The following HMCN1 variants were observed in gnomAD, a reference collection of about 807,000 sequenced individuals.
HMCN1 encodes hemicentin 1.
A neutral mutation model predicts 625.9 loss-of-function variants in HMCN1; 321 were observed. The ratio of observed to expected loss-of-function variants is 0.51; its 90% CI spans 0.47 to 0.56. HMCN1 has a LOEUF of 0.56. Ranked by LOEUF, HMCN1 falls within the 20% of genes least tolerant of loss-of-function variation. The probability of loss-of-function intolerance (pLI) is 0.00; values close to 1 mark genes in which losing one functional copy is unlikely to be tolerated. For synonymous variants in HMCN1, 2,425 were observed against 2,417.6 expected, an observed-to-expected ratio of 1.00 and a Z score of -0.09; for missense variants, 6,588 against 6,887.3, an observed-to-expected ratio of 0.96 and a Z score of 1.54.
At chr1:186,146,069 A>G in intron 93 of HMCN1, 146 bp downstream of exon 93, 1 of 828,542 alleles carries the variant, frequency 1.2e-6, no homozygotes, top group Non-Finnish European at 2.0e-6. Flanking sequence ...TAATTGGTAC[A>G]GTTCTGTATC....
chr1:186,137,033 C>T (rs917855358), intron 87 of HMCN1, 96 bp downstream of exon 87: 1 of 1,402,440 alleles, frequency 7.1e-7, no homozygotes, highest in Non-Finnish European at 1.0e-6. Flanking sequence ...CTCCTGTCAC[C>T]TTAACATACT....
At chr1:186,043,009 C>G (rs1318140206) in intron 40 of HMCN1, among the ~76,000 whole-genome samples, 1 of 151,846 alleles carries the variant, frequency 6.6e-6, no homozygotes, top group African/African-American at 2.4e-5. Context: ...TTTGCCATAC[C>G]CTGAGATATT....
intron 13 of HMCN1, among the ~76,000 whole-genome samples, chr1:185,965,289 A>G (rs1650324803): frequency 6.6e-6 from 1 of 152,144 alleles, no homozygotes; most frequent in Admixed American, 6.6e-5. Context: ...TGGACTGCAA[A>G]TATCTTCCTG....
At chr1:186,094,228 T>C (rs758807665) in intron 66 of HMCN1, 48 bp from the exon 67 acceptor site, 42 of 1,342,710 alleles carry the variant, frequency 3.1e-5, no homozygotes, top group Non-Finnish European at 4.5e-5. Context: ...TTATGTGTAC[T>C]TGTTGTATGG....
At chr1:186,181,224 C>G (rs148022581) in intron 104 of HMCN1, among the ~76,000 whole-genome samples, 1 of 152,288 alleles carries the variant, frequency 6.6e-6, no homozygotes, top group African/African-American at 2.4e-5. Flanking sequence ...CTTTGGTTAA[C>G]TAGTCTTCCA....
chr1:186,143,364 T>A (rs898248496), intron 89 of HMCN1, among the ~76,000 whole-genome samples: 2 of 152,160 alleles, frequency 1.3e-5, no homozygotes, highest in African/African-American at 2.4e-5. Flanking sequence ...TCTAGCAAGT[T>A]CCCTGAAAAC....
At chr1:186,180,431 T>C (rs1037212225) in intron 104 of HMCN1, among the ~76,000 whole-genome samples, 5 of 152,168 alleles carry the variant, frequency 3.3e-5, no homozygotes, top group African/African-American at 1.2e-4. Flanking sequence ...CCCAAAAATC[T>C]GTGTTATGAA....
At chr1:185,967,743 A>G (rs1650521361) in intron 14 of HMCN1, among the ~76,000 whole-genome samples, 1 of 152,108 alleles carries the variant, frequency 6.6e-6, no homozygotes. Context: ...GACACCAGGA[A>G]GGCTGGGAAA....
At chr1:185,950,827 G>A (rs1668617437) in intron 11 of HMCN1, among the ~76,000 whole-genome samples, 1 of 151,634 alleles carries the variant, frequency 6.6e-6, no homozygotes, top group African/African-American at 2.4e-5. Flanking sequence ...ATTGAGGATA[G>A]GAGAGTATAT....
In HMCN1 at chr1:185,807,171, A is replaced by G. The variant is rs996434097; in HGVS notation, c.269-38855A>G. Among the ~76,000 whole-genome samples, 7 of 152,200 alleles carry G rather than the reference A, an allele frequency of 4.6e-5. No homozygotes were observed. The East Asian group carries it at 7.7e-4, about 17-fold the overall frequency. On this transcript the variant is annotated intron_variant, in intron 1 of 106. Coordinates refer to ENST00000271588, the MANE Select transcript of HMCN1 (RefSeq NM_031935.3). Reference sequence around the variant, plus strand: ...TATCTAAGAACATTCAAAATCCTGAATATGAAGACTTTTAACATTTCAGTG... The same window carrying G: ...TATCTAAGAACATTCAAAATCCTGAGTATGAAGACTTTTAACATTTCAGTG...
chr1:185,826,456 C>G (rs1660516810), intron 1 of HMCN1, among the ~76,000 whole-genome samples: 1 of 152,156 alleles, frequency 6.6e-6, no homozygotes, highest in South Asian at 2.1e-4. Context: ...AGATGGAAAA[C>G]AGTGGAGGCA....
intron 1 of HMCN1, among the ~76,000 whole-genome samples, chr1:185,802,245 A>G (rs534019690): frequency 6.6e-6 from 1 of 152,268 alleles, no homozygotes; most frequent in South Asian, 2.1e-4. Context: ...TAGACATGGG[A>G]ACCAGTAGAA....
intron 68 of HMCN1, among the ~76,000 whole-genome samples, chr1:186,102,403 A>T (rs183435307): frequency 2.0e-5 from 3 of 152,272 alleles, no homozygotes; most frequent in Admixed American, 1.3e-4. Context: ...TAATAATACC[A>T]ACAGTTGCAG....
chr1:186,175,862 G>A (rs1274204965), intron 103 of HMCN1, among the ~76,000 whole-genome samples: 4 of 100,838 alleles, frequency 4.0e-5, no homozygotes, highest in African/African-American at 1.2e-4. Context: ...GACAATAAGA[G>A]TGAAACTATG....
chr1:186,086,547 T>A, intron 58 of HMCN1, 140 bp downstream of exon 58: 1 of 852,538 alleles, frequency 1.2e-6, no homozygotes, highest in Non-Finnish European at 1.9e-6. Context: ...TTTGCCCATT[T>A]GTGGTCATTA....
intron 36 of HMCN1, among the ~76,000 whole-genome samples, chr1:186,028,505 C>G (rs745409814): frequency 6.6e-6 from 1 of 151,998 alleles, no homozygotes; most frequent in African/African-American, 2.4e-5. Context: ...TACATTGGAG[C>G]CTTTCTGGTG....
At chr1:185,859,752 G>A (rs1282056074) in intron 2 of HMCN1, among the ~76,000 whole-genome samples, 3 of 151,950 alleles carry the variant, frequency 2.0e-5, no homozygotes, top group East Asian at 1.9e-4. Context: ...TGCAACCTCC[G>A]CCTCCTGGGT....
At position 186,052,975 on chromosome 1, in the gene HMCN1, G is replaced by A; in HGVS notation, c.6601G>A (p.Asp2201Asn). ...AGTCCCCCCAAATATTGGTGGTTCT[G>A]ATGAACTTACTCAACTTACAGTCAT... ...IWVPPNIGGSDELTQLTVIEG... is the reference protein window; with the variant it reads ...IWVPPNIGGSNELTQLTVIEG... The change falls in exon 43 of 107, where the codon GAT becomes AAT. Residue 2201 changes from aspartate to asparagine, a missense_variant. This residue lies in a region of HMCN1 where 4,628 missense variants were observed against 4,853.1 expected (regional missense o/e 0.95). Coordinates refer to ENST00000271588, the MANE Select transcript of HMCN1 (RefSeq NM_031935.3). 3.7e-6 allele frequency: 6 copies of A among 1,607,312 alleles called. No individual in the cohort carries two copies. The highest frequency in any genetic ancestry group is 4.3e-6 in the Non-Finnish European group (5 of 1,174,620).
intron 1 of HMCN1, among the ~76,000 whole-genome samples, chr1:185,761,325 A>G (rs1035844235): frequency 1.3e-5 from 2 of 152,154 alleles, no homozygotes; most frequent in African/African-American, 4.8e-5. Context: ...GGCCCAGTGT[A>G]GATGTGCTAA....
Sources: allele counts gnomAD v4.1 joint callset (sites outside exome capture counted in the v4.1 genomes callset), GRCh38; gene constraint gnomAD v4.1.1; regional missense constraint gnomAD v4.1.1; transcripts MANE v1.5; gene names NCBI Gene and HGNC (gene_info 2026-07-23, HGNC 2026-07-21).